RALYL: variants seen among roughly 807,000 people sequenced by gnomAD.
RALYL encodes the protein RALY RNA binding protein like, also known as RNA-binding Raly-like protein.
RALYL carries 29 observed loss-of-function variants against 35.1 expected under a neutral mutation model. The ratio of observed to expected loss-of-function variants is 0.83; its 90% CI spans 0.61 to 1.13. RALYL has a LOEUF of 1.13. RALYL is among the 50% of genes most tolerant of loss of function. The pLI, the probability that RALYL is intolerant of heterozygous loss-of-function variation, is 0.00. For synonymous variants in RALYL, 120 were observed against 127.6 expected (o/e 0.94, Z 0.40); for missense variants, 359 against 360.4 (o/e 1.00, Z 0.03).
chr8:84,363,576 A>C (rs1052547236), intron 1 of RALYL, among the ~76,000 whole-genome samples: 1 of 152,200 alleles, frequency 6.6e-6, no homozygotes, highest in Non-Finnish European at 1.5e-5. Context: ...ACACTGCAAA[A>C]TCACTCCCAA....
rs910677055 is a variant in RALYL, at chr8:84,725,521, C to G, written c.257-49058C>G. Among the ~76,000 whole-genome samples, 5 of 151,716 alleles carry G rather than the reference C, an allele frequency of 3.3e-5. No homozygotes were observed. In the Admixed American group the frequency reaches 3.3e-4, roughly 10 times the overall value. ...AAAGCAATGTTGTGTCCTTTAGTAG[C>G]TGATACATCTGTTCACACATAGAAG... On this transcript the variant is annotated intron_variant, in intron 2 of 8. Transcript: ENST00000521268.
intron 1 of RALYL, among the ~76,000 whole-genome samples, chr8:84,192,452 G>T (rs1395183075): frequency 6.6e-6 from 1 of 152,240 alleles, no homozygotes; most frequent in East Asian, 1.9e-4. Flanking sequence ...AATTTTGGTA[G>T]AATTGGGAAA....
At chr8:84,303,747 AT>A (rs1203565414) in intron 1 of RALYL, among the ~76,000 whole-genome samples, 1 of 152,228 alleles carries the variant, frequency 6.6e-6, no homozygotes, top group Admixed American at 6.5e-5. Context: ...ATAATGATAT[AT>A]TTTTTTGTTC....
At chr8:84,584,713 A>G (rs1811606402) in intron 2 of RALYL, among the ~76,000 whole-genome samples, 1 of 152,198 alleles carries the variant, frequency 6.6e-6, no homozygotes, top group African/African-American at 2.4e-5. Context: ...TTTTCCATTA[A>G]CTAATATTAT....
At chr8:84,861,156 G>A (rs963165770) in intron 5 of RALYL, among the ~76,000 whole-genome samples, 2 of 151,974 alleles carry the variant, frequency 1.3e-5, no homozygotes, top group Non-Finnish European at 2.9e-5. Flanking sequence ...TTATAAGAAT[G>A]TAATCCAATA....
chr8:84,798,896 G>A (rs879780189), intron 3 of RALYL, among the ~76,000 whole-genome samples: 4 of 152,212 alleles, frequency 2.6e-5, no homozygotes, highest in Admixed American at 2.0e-4. Flanking sequence ...CACCCAGACA[G>A]TGAGCAATTT....
chr8:84,558,914 G>A (rs993994168), intron 2 of RALYL, among the ~76,000 whole-genome samples: 2 of 151,978 alleles, frequency 1.3e-5, no homozygotes, highest in South Asian at 2.1e-4. Context: ...CCTCTGCACT[G>A]TACCGAGTCT....
At chr8:84,389,989 A>G (rs1270775103) in intron 1 of RALYL, among the ~76,000 whole-genome samples, 1 of 151,812 alleles carries the variant, frequency 6.6e-6, no homozygotes, top group Non-Finnish European at 1.5e-5. Context: ...TTTGTCATAG[A>G]TAGCTCTTAT....
intron 1 of RALYL, among the ~76,000 whole-genome samples, chr8:84,251,131 C>T (rs1218750329): frequency 6.6e-6 from 1 of 152,066 alleles, no homozygotes; most frequent in African/African-American, 2.4e-5. Flanking sequence ...TTACTTCCTA[C>T]ACTCTTGTAT....
chr8:84,371,328 G>A (rs1013917149), intron 1 of RALYL, among the ~76,000 whole-genome samples: 4 of 151,836 alleles, frequency 2.6e-5, no homozygotes, highest in African/African-American at 7.3e-5. Context: ...TTAGTATAAC[G>A]TATTTCGTGA....
chr8:84,368,891 A>G (rs980351435), intron 1 of RALYL, among the ~76,000 whole-genome samples: 2 of 152,232 alleles, frequency 1.3e-5, no homozygotes, highest in Non-Finnish European at 2.9e-5. Flanking sequence ...CTTAGTATTC[A>G]TAAATAAACA....
At chr8:84,618,431 G>C (rs1366767440) in intron 2 of RALYL, among the ~76,000 whole-genome samples, 1 of 150,704 alleles carries the variant, frequency 6.6e-6, no homozygotes, top group Non-Finnish European at 1.5e-5. Flanking sequence ...TGTGGGATTG[G>C]TGGTGATATC....
intron 2 of RALYL, among the ~76,000 whole-genome samples, chr8:84,668,769 C>A (rs1461340302): frequency 6.6e-6 from 1 of 151,676 alleles, no homozygotes; most frequent in Non-Finnish European, 1.5e-5. Flanking sequence ...GGAGTGAGAC[C>A]AAAGTAGGGT....
chr8:84,889,361 T>TCCATGCTGCC (rs1843439941), intron 8 of RALYL, among the ~76,000 whole-genome samples: 2 of 152,196 alleles, frequency 1.3e-5, no homozygotes, highest in Non-Finnish European at 2.9e-5. Flanking sequence ...TTACAATGGT[T>TCCATGCTGCC]ACTTCTCTGT....
intron 4 of RALYL, among the ~76,000 whole-genome samples, chr8:84,822,623 A>C (rs1056362756): frequency 6.6e-6 from 1 of 152,176 alleles, no homozygotes; most frequent in African/African-American, 2.4e-5. Context: ...AAAGATAACA[A>C]CACCAAATCA....
chr8:84,686,756 A>G (rs1196174707), intron 2 of RALYL, among the ~76,000 whole-genome samples: 1 of 152,024 alleles, frequency 6.6e-6, no homozygotes, highest in Non-Finnish European at 1.5e-5. Context: ...TCATCATCAT[A>G]AGTGTTGTAA....
At position 84,887,727 on chromosome 8, in the gene RALYL, T is replaced by C. The variant is rs370777394; in HGVS notation, c.809T>C (p.Met270Thr). 9.3e-6 allele frequency: 15 copies of C among 1,613,758 alleles called. No homozygotes were observed. The African/African-American group carries it at 9.3e-5, about 10-fold the overall frequency. ...EGGPDADGEE[M>T]TDGIEEDFDE... is the part of the protein sequence containing the mutation. ...GGGCCAGATGCCGATGGAGAAGAGA[T>C]GACAGATGGGATAGAGGAGGACTTC... is the stretch of plus-strand genomic sequence containing the variant. The change falls in exon 8 of 9, where the codon ATG (methionine) becomes ACG (threonine). Residue 270 changes from methionine (M) to threonine (T), a missense_variant. Met to Thr is a moderately conservative substitution (Grantham distance 81, BLOSUM62 -1). Coordinates refer to ENST00000521268, the MANE Select transcript of RALYL (RefSeq NM_173848.7).
intron 1 of RALYL, among the ~76,000 whole-genome samples, chr8:84,413,463 C>T (rs776751745): frequency 9.9e-5 from 15 of 151,704 alleles, no homozygotes; most frequent in Non-Finnish European, 1.3e-4. Flanking sequence ...TACTGATACC[C>T]AAATTCTATA....
chr8:84,659,475 G>A (rs1046280039), intron 2 of RALYL, among the ~76,000 whole-genome samples: 22 of 151,960 alleles, frequency 1.4e-4, no homozygotes, highest in Admixed American at 3.3e-4. Flanking sequence ...ATCAGAAAAG[G>A]CTGTTTGATA....
Sources: gnomAD v4.1 joint callset for allele counts (sites outside exome capture counted in the v4.1 genomes callset) on GRCh38, gnomAD v4.1.1 for gene constraint, MANE v1.5 for transcripts, NCBI Gene and HGNC (gene_info 2026-07-23, HGNC 2026-07-21) for gene names.